MAP7: variants seen among roughly 807,000 people sequenced by gnomAD.
The protein encoded by MAP7 is ensconsin.
MAP7 carries 52 observed loss-of-function variants against 94.8 expected under a neutral mutation model. The observed-to-expected ratio is 0.55, with a 90% CI of 0.44 to 0.69. The LOEUF (loss-of-function observed/expected upper bound fraction) is 0.69. Ranked by LOEUF, MAP7 falls within the 30% of genes least tolerant of loss-of-function variation. The pLI is 0.00. For synonymous variants in MAP7, 350 were observed against 357.0 expected (o/e 0.98, Z 0.22); for missense variants, 940 against 964.6 (o/e 0.97, Z 0.34).
At chr6:136,443,085 C>T (rs554738933) in intron 1 of MAP7, among the ~76,000 whole-genome samples, 3 of 152,154 alleles carry the variant, frequency 2.0e-5, no homozygotes, top group African/African-American at 7.2e-5. Context: ...ATTATATGTG[C>T]TCCTTTATTA....
At chr6:136,364,229 C>T (rs1199677372) in intron 10 of MAP7, 3 of 541,962 alleles carry the variant, frequency 5.5e-6, no homozygotes, top group South Asian at 1.4e-5. Flanking sequence ...TCAATGCCCT[C>T]ATTAAAGCAG....
chr6:136,429,484 AT>A (rs1794253802), intron 1 of MAP7, among the ~76,000 whole-genome samples: 1 of 152,264 alleles, frequency 6.6e-6, no homozygotes, highest in Non-Finnish European at 1.5e-5. Context: ...ACTTTGGGAA[AT>A]TTGTAAACCC....
rs79777669 is a variant in MAP7, at chr6:136,377,531, C to A, written c.751+224G>T. ...AGAAGCCTCTGAAGCCATCGGAGCC[C>A]GGGGAGAGGCTTCATCAGCCTGCCT... On this transcript the variant is annotated intron_variant, in intron 7 of 17. Coordinates refer to ENST00000354570, the MANE Select transcript of MAP7 (RefSeq NM_003980.6). 7.6e-3 allele frequency among the ~76,000 whole-genome samples: 1,154 copies of A among 152,264 alleles called. 20 individuals are homozygous for A. The highest frequency in any genetic ancestry group is 0.039 in the East Asian group (204 of 5,188).
intron 8 of MAP7, among the ~76,000 whole-genome samples, chr6:136,370,445 A>T (rs77827840): frequency 0.01 from 1,557 of 152,326 alleles, 21 homozygotes; most frequent in East Asian, 0.039. Context: ...ATCTCTAGAG[A>T]TATCTATATT....
intron 3 of MAP7, among the ~76,000 whole-genome samples, chr6:136,399,853 GAATAA>G (rs1783567011): frequency 6.6e-6 from 1 of 152,050 alleles, no homozygotes; most frequent in Non-Finnish European, 1.5e-5. Context: ...GGGAGTTGTA[GAATAA>G]AATAATAAGA....
chr6:136,436,330 G>A (rs1582906234), intron 1 of MAP7, among the ~76,000 whole-genome samples: 1 of 151,860 alleles, frequency 6.6e-6, no homozygotes, highest in East Asian at 1.9e-4. Flanking sequence ...CAAAAATAAG[G>A]TAACTACTTA....
At chr6:136,365,297 T>C (rs1464160958) in intron 10 of MAP7, among the ~76,000 whole-genome samples, 2 of 152,226 alleles carry the variant, frequency 1.3e-5, no homozygotes, top group Non-Finnish European at 2.9e-5. Flanking sequence ...CCCCACCCTC[T>C]ATCTTCAAAT....
chr6:136,550,354 G>C lies in MAP7; in HGVS notation c.55C>G (p.Arg19Gly). 1 of 1,526,774 alleles carries C rather than the reference G, an allele frequency of 6.5e-7. No homozygotes were observed. Among genetic ancestry groups the C allele is most frequent in the Non-Finnish European group, 8.7e-7 (1 of 1,145,356 alleles). The allele number at this position is 1,526,774 out of a possible 1,614,324, so 94.6% of individuals were successfully genotyped here. ...DGHRGGDGAV[R>G]SETAPDSYKV... ...GCTGTGCGGTCACCTGTTTCGCTTC[G>C]CACTGCGCCGTCGCCGCCCCTGTGG... The change falls in exon 1 of 18, where the codon CGA becomes GGA. Residue 19 changes from arginine (R) to glycine (G), a missense_variant. Physicochemically the swap from Arg to Gly is moderately radical, Grantham distance 125. Coordinates refer to ENST00000354570, the MANE Select transcript of MAP7 (RefSeq NM_003980.6). This position sits in a 1 kb window ranked among gnomAD's most constrained non-coding sequence, Gnocchi z 5.1.
chr6:136,376,888 G>A (rs1380021872), intron 7 of MAP7, among the ~76,000 whole-genome samples: 1 of 152,202 alleles, frequency 6.6e-6, no homozygotes, highest in Non-Finnish European at 1.5e-5. Flanking sequence ...TAATGAACAT[G>A]GAGAGGCTTG....
intron 1 of MAP7, among the ~76,000 whole-genome samples, chr6:136,442,647 C>T (rs1798216431): frequency 6.6e-6 from 1 of 152,052 alleles, no homozygotes; most frequent in South Asian, 2.1e-4. Flanking sequence ...GGTTTAGAAC[C>T]ACCAACTCAC....
At chr6:136,492,184 C>T (rs1816822409) in intron 1 of MAP7, among the ~76,000 whole-genome samples, 1 of 152,184 alleles carries the variant, frequency 6.6e-6, no homozygotes, top group Non-Finnish European at 1.5e-5. Flanking sequence ...ATAAGGAGTG[C>T]ACAACCTAGA....
intron 8 of MAP7, among the ~76,000 whole-genome samples, chr6:136,371,483 A>G (rs1774489061): frequency 6.6e-6 from 1 of 152,248 alleles, no homozygotes; most frequent in South Asian, 2.1e-4. Context: ...CTGATTCCAG[A>G]AAGGCCGATG....
At chr6:136,392,388 CTTTTTTTTT>C (rs11347286) in intron 3 of MAP7, among the ~76,000 whole-genome samples, 1 of 102,616 alleles carries the variant, frequency 9.7e-6, no homozygotes, top group Non-Finnish European at 2.0e-5. Context: ...CTGCATCTTG[CTTTTTTTTT>C]TTTTTTTTTT....
chr6:136,485,851 C>T (rs528605169), intron 1 of MAP7, among the ~76,000 whole-genome samples: 158 of 152,202 alleles, frequency 1.0e-3, no homozygotes, highest in Non-Finnish European at 2.0e-3. Flanking sequence ...CGTGAGCCAC[C>T]GCGCCCGGCC....
rs1056677925 is a variant in MAP7 at position 136,550,096 on chromosome 6, T to A, written c.67+246A>T. Among the ~76,000 whole-genome samples, 1 of 150,788 alleles carries A rather than the reference T, an allele frequency of 6.6e-6. No homozygotes were observed. The highest frequency in any genetic ancestry group is 2.4e-5 in the African/African-American group (1 of 41,110). ...TCCACCTGTTGCGGGAAAGTCGCGG[T>A]GGAGCGCCCGAGGGCGGCCGCAACC... On this transcript the variant is annotated intron_variant, in intron 1 of 17. Coordinates refer to ENST00000354570, the MANE Select transcript of MAP7 (RefSeq NM_003980.6). This position sits in a 1 kb window ranked among gnomAD's most constrained non-coding sequence, Gnocchi z 5.1.
At chr6:136,440,025 G>A (rs1159136062) in intron 1 of MAP7, among the ~76,000 whole-genome samples, 2 of 152,158 alleles carry the variant, frequency 1.3e-5, no homozygotes, top group South Asian at 4.1e-4. Context: ...CCAAAGCTGG[G>A]CAGGTTAGCT....
intron 1 of MAP7, among the ~76,000 whole-genome samples, chr6:136,493,279 C>A (rs1016995028): frequency 6.6e-6 from 1 of 152,020 alleles, no homozygotes; most frequent in African/African-American, 2.4e-5. Flanking sequence ...TGTGCCACCA[C>A]GTCTGGCTAA....
In MAP7 at chr6:136,375,817, G is replaced by GCA. The variant is rs1235450129; in HGVS notation, c.751+1937_751+1938insTG. Among the ~76,000 whole-genome samples, 4 of 152,186 alleles carry GCA rather than the reference G, an allele frequency of 2.6e-5. No homozygotes were observed. In the East Asian group the frequency reaches 7.7e-4, roughly 29 times the overall value. Reference sequence around the variant, plus strand: ...AACTTGTGAAAAGGAGAATGGAAATGTGTCAAAATAAAGAGCCGGTTTGCA... The same window carrying GCA: ...AACTTGTGAAAAGGAGAATGGAAATGCATGTCAAAATAAAGAGCCGGTTTGCA... On this transcript the variant is annotated intron_variant, in intron 7 of 17. Coordinates refer to ENST00000354570, the MANE Select transcript of MAP7 (RefSeq NM_003980.6).
chr6:136,347,856 A>C (rs960777196), intron 16 of MAP7, among the ~76,000 whole-genome samples: 2 of 152,332 alleles, frequency 1.3e-5, no homozygotes, highest in Non-Finnish European at 2.9e-5. Context: ...GTGTCTCACA[A>C]GGCATTGCAG....
Sources: allele counts gnomAD v4.1 joint callset (sites outside exome capture counted in the v4.1 genomes callset), GRCh38; gene constraint gnomAD v4.1.1; non-coding constraint Gnocchi (gnomAD v3.1); transcripts MANE v1.5; gene names NCBI Gene and HGNC (gene_info 2026-07-23, HGNC 2026-07-21).